ULK4: variants seen among roughly 807,000 people sequenced by gnomAD.
ULK4 encodes inactive serine/threonine-protein kinase ULK4.
In ULK4, 133 loss-of-function variants were observed where a neutral mutation model predicts 160.6. The observed-to-expected ratio is 0.83, with a 90% CI of 0.72 to 0.96. The LOEUF (loss-of-function observed/expected upper bound fraction) is 0.96, where lower values mean the gene tolerates loss of function less well. Among genes scored for constraint, ULK4 ranks in the 40% least tolerant of loss-of-function variants. The pLI is 0.00. For missense variants in ULK4, 1,580 were observed against 1,499.5 expected, an observed-to-expected ratio of 1.05 and a Z score of -0.89; for synonymous variants, 534 against 539.8, an observed-to-expected ratio of 0.99 and a Z score of 0.15.
At chr3:41,909,597 C>T (rs1254735714) in intron 11 of ULK4, among the ~76,000 whole-genome samples, 1 of 152,002 alleles carries the variant, frequency 6.6e-6, no homozygotes, top group Non-Finnish European at 1.5e-5. Flanking sequence ...GGCCTGTAAT[C>T]CCAACCACTT....
chr3:41,930,370 T>C (rs1016012293), intron 5 of ULK4, among the ~76,000 whole-genome samples: 2 of 152,088 alleles, frequency 1.3e-5, no homozygotes, highest in African/African-American at 4.8e-5. Flanking sequence ...ATGTAAGACT[T>C]AAAACCATAA....
intron 35 of ULK4, among the ~76,000 whole-genome samples, chr3:41,287,816 C>A (rs2079491251): frequency 6.6e-6 from 1 of 152,172 alleles, no homozygotes; most frequent in Admixed American, 6.5e-5. Context: ...CTGGAAAGGA[C>A]CGCACTGAGG....
intron 12 of ULK4, among the ~76,000 whole-genome samples, chr3:41,906,867 A>G (rs1230416030): frequency 6.6e-6 from 1 of 151,956 alleles, no homozygotes; most frequent in African/African-American, 2.4e-5. Context: ...GTGACGCACG[A>G]CTGTAGTCCC....
chr3:41,665,652 G>A (rs1209556479), intron 29 of ULK4, among the ~76,000 whole-genome samples: 1 of 151,906 alleles, frequency 6.6e-6, no homozygotes, highest in Non-Finnish European at 1.5e-5. Flanking sequence ...TCAATCTTAG[G>A]AAATGAGTTA....
rs2039574712 is a variant in ULK4, at chr3:41,775,442, A to T, written c.2193+14219T>A. Reference sequence around the variant, plus strand: ...GTGATGCAGTCTTGCTCTGTCACCCAGGCTGGAGTGCAGTGGTGCAATCTG... The same window carrying T: ...GTGATGCAGTCTTGCTCTGTCACCCTGGCTGGAGTGCAGTGGTGCAATCTG... On this transcript the variant is annotated intron_variant, in intron 21 of 36. Transcript: ENST00000301831. Among the ~76,000 whole-genome samples the T allele has an allele frequency of 2.7e-5, 4 of 147,734 alleles. No homozygotes were observed. In the South Asian group the frequency reaches 8.4e-4, roughly 31 times the overall value.
intron 32 of ULK4, among the ~76,000 whole-genome samples, chr3:41,550,055 G>A (rs1160501288): frequency 3.3e-5 from 5 of 151,998 alleles, no homozygotes; most frequent in Non-Finnish European, 5.9e-5. Flanking sequence ...CACAAAAAAT[G>A]CTTAAAGGAA....
intron 32 of ULK4, among the ~76,000 whole-genome samples, chr3:41,471,039 TAAAC>T (rs1333153938): frequency 2.0e-5 from 3 of 149,094 alleles, no homozygotes; most frequent in Non-Finnish European, 3.0e-5. Flanking sequence ...TTGAATGAAT[TAAAC>T]AAACAAACAA....
At chr3:41,683,422 T>C (rs1416860223) in intron 27 of ULK4, among the ~76,000 whole-genome samples, 1 of 151,812 alleles carries the variant, frequency 6.6e-6, no homozygotes, top group Non-Finnish European at 1.5e-5. Context: ...TTCTCCTCTG[T>C]GGAGGGAGGC....
intron 17 of ULK4, among the ~76,000 whole-genome samples, chr3:41,883,575 G>T (rs1414777698): frequency 2.6e-5 from 4 of 152,126 alleles, no homozygotes; most frequent in Admixed American, 2.6e-4. Context: ...TTAGTCTGTT[G>T]GACAGACTAT....
chr3:41,843,320 G>A (rs980991887), intron 17 of ULK4, among the ~76,000 whole-genome samples: 3 of 152,224 alleles, frequency 2.0e-5, no homozygotes, highest in Non-Finnish European at 1.5e-5. Context: ...TGCCAAGGAT[G>A]ATGAGAAACA....
At chr3:41,747,167 T>A (rs1199522053) in intron 22 of ULK4, among the ~76,000 whole-genome samples, 2 of 151,914 alleles carry the variant, frequency 1.3e-5, no homozygotes, top group African/African-American at 2.4e-5. Flanking sequence ...CCCATTAAAA[T>A]TCAACACTTT....
At chr3:41,939,737 C>T (rs1717019) in intron 2 of ULK4, among the ~76,000 whole-genome samples, 24 of 152,016 alleles carry the variant, frequency 1.6e-4, no homozygotes, top group African/African-American at 5.6e-4. Context: ...ATGGCCTGTT[C>T]GGAACCAGGC....
At chr3:41,845,393 T>C (rs1483542011) in intron 17 of ULK4, among the ~76,000 whole-genome samples, 2 of 151,612 alleles carry the variant, frequency 1.3e-5, no homozygotes, top group African/African-American at 4.9e-5. Context: ...TTCCAGAAAA[T>C]TACACCAAAT....
At chr3:41,793,148 G>A (rs1050942244) in intron 20 of ULK4, among the ~76,000 whole-genome samples, 6 of 151,338 alleles carry the variant, frequency 4.0e-5, no homozygotes, top group African/African-American at 1.5e-4. Flanking sequence ...ATTCCAGCCT[G>A]GGCAACAAGA....
At chr3:41,827,819 T>C (rs2041418242) in intron 18 of ULK4, among the ~76,000 whole-genome samples, 1 of 151,998 alleles carries the variant, frequency 6.6e-6, no homozygotes, top group Non-Finnish European at 1.5e-5. Flanking sequence ...ATCATCCTGA[T>C]ACCAAAGCCT....
chr3:41,658,820 A>G (rs1306849399), intron 30 of ULK4, among the ~76,000 whole-genome samples: 1 of 152,020 alleles, frequency 6.6e-6, no homozygotes. Flanking sequence ...TATACCCTTC[A>G]AATACTGAAG....
intron 32 of ULK4, among the ~76,000 whole-genome samples, chr3:41,523,267 C>A (rs1388123143): frequency 6.6e-6 from 1 of 152,090 alleles, no homozygotes; most frequent in Non-Finnish European, 1.5e-5. Flanking sequence ...TAATGTCTTA[C>A]ACATATTAGG....
At chr3:41,366,589 T>C (rs2081259129) in intron 35 of ULK4, among the ~76,000 whole-genome samples, 1 of 150,764 alleles carries the variant, frequency 6.6e-6, no homozygotes, top group South Asian at 2.1e-4. Flanking sequence ...TCTATATACC[T>C]ATTATGTATA....
At chr3:41,701,596 A>G (rs892026019) in intron 27 of ULK4, among the ~76,000 whole-genome samples, 3 of 152,240 alleles carry the variant, frequency 2.0e-5, no homozygotes, top group Non-Finnish European at 2.9e-5. Flanking sequence ...TCAGTCAGAA[A>G]TAAGTGAAGA....
Sources: allele counts gnomAD v4.1 joint callset (sites outside exome capture counted in the v4.1 genomes callset), GRCh38; gene constraint gnomAD v4.1.1; transcripts MANE v1.5; gene names NCBI Gene and HGNC (gene_info 2026-07-23, HGNC 2026-07-21).